Variants in CTNNA2 observed in about 807,000 individuals in gnomAD.
CTNNA2 encodes the protein catenin alpha-2.
CTNNA2 carries 42 observed loss-of-function variants against 101.0 expected under a neutral mutation model. That is an observed-to-expected ratio of 0.42 (90% CI 0.32 to 0.54). The LOEUF is 0.54. Among genes scored for constraint, CTNNA2 ranks in the 20% least tolerant of loss-of-function variants. The probability of loss-of-function intolerance (pLI) is 0.14; values close to 1 mark genes in which losing one functional copy is unlikely to be tolerated. For missense variants in CTNNA2, 871 were observed against 1,223.1 expected, an observed-to-expected ratio of 0.71 and a Z score of 4.29; for synonymous variants, 450 against 456.4, an observed-to-expected ratio of 0.99 and a Z score of 0.18.
At chr2:79,566,905 A>G (rs577005522) in intron 1 of CTNNA2, among the ~76,000 whole-genome samples, 1 of 152,336 alleles carries the variant, frequency 6.6e-6, no homozygotes, top group Non-Finnish European at 1.5e-5. Flanking sequence ...ATATGTTAAA[A>G]CAGATATGGC....
intron 6 of CTNNA2, among the ~76,000 whole-genome samples, chr2:79,901,833 G>A (rs1041381381): frequency 6.6e-6 from 1 of 152,200 alleles, no homozygotes; most frequent in Non-Finnish European, 1.5e-5. Flanking sequence ...TGACTTAACT[G>A]TAATTAAAAA....
At chr2:80,253,436 T>C (rs534423948) in intron 7 of CTNNA2, among the ~76,000 whole-genome samples, 134 of 152,282 alleles carry the variant, frequency 8.8e-4, no homozygotes, top group African/African-American at 3.2e-3. Context: ...AAAATAACTT[T>C]TGAACCTTTG....
intron 7 of CTNNA2, among the ~76,000 whole-genome samples, chr2:80,253,679 A>G (rs2149110216): frequency 6.6e-6 from 1 of 152,232 alleles, no homozygotes; most frequent in South Asian, 2.1e-4. Flanking sequence ...TCAAGATTTG[A>G]TTCATTATCA....
At chr2:80,547,553 A>T (rs534748170) in intron 11 of CTNNA2, among the ~76,000 whole-genome samples, 33 of 152,228 alleles carry the variant, frequency 2.2e-4, no homozygotes, top group African/African-American at 7.7e-4. Flanking sequence ...TCCAATCTCT[A>T]ATCCCTTTCA....
At chr2:79,602,133 A>G (rs1677592804) in intron 1 of CTNNA2, among the ~76,000 whole-genome samples, 1 of 152,210 alleles carries the variant, frequency 6.6e-6, no homozygotes, top group African/African-American at 2.4e-5. Flanking sequence ...CGTAAGTTGA[A>G]CCATCCTAAG....
chr2:80,232,173 A>C (rs540239899), intron 7 of CTNNA2, among the ~76,000 whole-genome samples: 1 of 152,188 alleles, frequency 6.6e-6, no homozygotes, highest in African/African-American at 2.4e-5. Context: ...ATTGATTAAC[A>C]TCGTAAGTCT....
chr2:80,273,695 T>C (rs1322294618), intron 7 of CTNNA2, among the ~76,000 whole-genome samples: 1 of 152,074 alleles, frequency 6.6e-6, no homozygotes, highest in Non-Finnish European at 1.5e-5. Flanking sequence ...CACTCCTGCC[T>C]CAGGAGCTTT....
At chr2:79,865,354 G>A (rs1169782695) in intron 4 of CTNNA2, among the ~76,000 whole-genome samples, 2 of 152,092 alleles carry the variant, frequency 1.3e-5, no homozygotes, top group Admixed American at 6.5e-5. Flanking sequence ...TCATGCATTT[G>A]GCCAACTCCT....
chr2:79,564,518 G>A (rs1674987838), intron 1 of CTNNA2, among the ~76,000 whole-genome samples: 1 of 152,076 alleles, frequency 6.6e-6, no homozygotes, highest in Non-Finnish European at 1.5e-5. Context: ...CTTTTTAAAT[G>A]GAGGGGGCTT....
intron 4 of CTNNA2, among the ~76,000 whole-genome samples, chr2:79,466,285 C>T (rs1223330215): frequency 2.0e-5 from 3 of 152,184 alleles, no homozygotes; most frequent in Non-Finnish European, 4.4e-5. Flanking sequence ...TCATTGCTAG[C>T]ACAGCAGTCT....
chr2:80,500,419 C>G (rs61079191), intron 9 of CTNNA2, among the ~76,000 whole-genome samples: 5,499 of 152,254 alleles, frequency 0.036, 357 homozygotes, highest in African/African-American at 0.12. Context: ...ACCCATCTAT[C>G]TGTCCATCCA....
chr2:80,177,334 G>A (rs1838252), intron 7 of CTNNA2, among the ~76,000 whole-genome samples: 32,520 of 152,102 alleles, frequency 0.21, 5,230 homozygotes, highest in African/African-American at 0.44. Context: ...AGTCGATTCC[G>A]GTGAGGACAA....
chr2:80,086,887 C>T (rs74747370), intron 7 of CTNNA2, among the ~76,000 whole-genome samples: 1,693 of 151,996 alleles, frequency 0.011, 23 homozygotes, highest in African/African-American at 0.036. Context: ...ATAAACATAC[C>T]ACTGGGAGGC....
chr2:80,202,136 C>T (rs186784633), intron 7 of CTNNA2, among the ~76,000 whole-genome samples: 18 of 152,296 alleles, frequency 1.2e-4, no homozygotes, highest in Admixed American at 1.2e-3. Context: ...TATAAGTCTT[C>T]TCTCCTCCTC....
intron 3 of CTNNA2, among the ~76,000 whole-genome samples, chr2:79,844,397 G>A (rs989937549): frequency 6.6e-6 from 1 of 152,150 alleles, no homozygotes; most frequent in Non-Finnish European, 1.5e-5. Flanking sequence ...AAAATATGGA[G>A]CATATTATTT....
chr2:80,470,532 C>T (rs1407624073), intron 9 of CTNNA2, among the ~76,000 whole-genome samples: 2 of 152,110 alleles, frequency 1.3e-5, no homozygotes, highest in Non-Finnish European at 2.9e-5. Flanking sequence ...ACCCAGCTCT[C>T]CTCCTGGCCA....
chr2:79,347,839 G>T (rs777670190), intron 3 of CTNNA2, among the ~76,000 whole-genome samples: 17 of 143,154 alleles, frequency 1.2e-4, no homozygotes, highest in Non-Finnish European at 2.4e-4. Flanking sequence ...TTAAGATTCA[G>T]CAGCCAAGAA....
At chr2:79,708,084 C>G (rs1685502487) in intron 2 of CTNNA2, among the ~76,000 whole-genome samples, 1 of 152,124 alleles carries the variant, frequency 6.6e-6, no homozygotes, top group African/African-American at 2.4e-5. Flanking sequence ...TAAAAATGCC[C>G]AAGTATTGTG....
At chr2:80,278,478 G>C (rs1180318538) in intron 7 of CTNNA2, among the ~76,000 whole-genome samples, 1 of 152,150 alleles carries the variant, frequency 6.6e-6, no homozygotes, top group Non-Finnish European at 1.5e-5. Context: ...TTCCAGACAA[G>C]TGTTCTTATC....
Sources: gnomAD v4.1 joint callset for allele counts (sites outside exome capture counted in the v4.1 genomes callset) on GRCh38, gnomAD v4.1.1 for gene constraint, MANE v1.5 for transcripts, NCBI Gene and HGNC (gene_info 2026-07-23, HGNC 2026-07-21) for gene names.